The following KLHL32 variants were observed in gnomAD, a reference collection of about 807,000 sequenced individuals.
KLHL32 encodes kelch-like protein 32.
A neutral mutation model predicts 64.8 loss-of-function variants in KLHL32; 35 were observed. The ratio of observed to expected loss-of-function variants is 0.54; its 90% CI spans 0.41 to 0.72. The LOEUF (loss-of-function observed/expected upper bound fraction) is 0.72. Among genes scored for constraint, KLHL32 ranks in the 30% least tolerant of loss-of-function variants. The pLI is 0.00. For synonymous variants in KLHL32, 259 were observed against 281.0 expected, an observed-to-expected ratio of 0.92 and a Z score of 0.78; for missense variants, 589 against 768.5, an observed-to-expected ratio of 0.77 and a Z score of 2.76.
intron 5 of KLHL32, among the ~76,000 whole-genome samples, chr6:97,080,780 A>G (rs1792378371): frequency 6.6e-6 from 1 of 152,210 alleles, no homozygotes; most frequent in African/African-American, 2.4e-5. Context: ...AGCACATTAT[A>G]AACAAGTAGG....
chr6:96,937,134 G>A (rs1047564589), intron 1 of KLHL32, among the ~76,000 whole-genome samples: 1 of 152,002 alleles, frequency 6.6e-6, no homozygotes, highest in Non-Finnish European at 1.5e-5. Context: ...TCAGTAGTTT[G>A]TAGCAAATGT....
intron 5 of KLHL32, among the ~76,000 whole-genome samples, chr6:97,070,471 A>G (rs1790535998): frequency 1.3e-5 from 2 of 152,138 alleles, no homozygotes; most frequent in South Asian, 2.1e-4. Context: ...TTCATATGCT[A>G]TTATGTTGGC....
intron 6 of KLHL32, among the ~76,000 whole-genome samples, chr6:97,110,312 G>A (rs910131094): frequency 1.3e-5 from 2 of 152,104 alleles, no homozygotes; most frequent in Admixed American, 6.5e-5. Context: ...GACCTCTACC[G>A]TGTCTGCCTC....
chr6:96,932,346 A>T (rs1327684342), intron 1 of KLHL32, among the ~76,000 whole-genome samples: 1 of 150,966 alleles, frequency 6.6e-6, no homozygotes, highest in Non-Finnish European at 1.5e-5. Flanking sequence ...AAAGCTATTT[A>T]TCATTTCTTG....
chr6:96,983,570 G>A (rs1027640698), intron 3 of KLHL32, among the ~76,000 whole-genome samples: 4 of 152,300 alleles, frequency 2.6e-5, no homozygotes, highest in Admixed American at 2.6e-4. Context: ...CTGTTAATTG[G>A]TCTATTCAGA....
chr6:96,937,038 A>G (rs1209451926), intron 1 of KLHL32, among the ~76,000 whole-genome samples: 1 of 151,362 alleles, frequency 6.6e-6, no homozygotes, highest in Non-Finnish European at 1.5e-5. Context: ...TTTTTTCCCC[A>G]CAGCTCTTAT....
intron 3 of KLHL32, among the ~76,000 whole-genome samples, chr6:97,016,318 G>A (rs897177850): frequency 3.9e-5 from 6 of 152,232 alleles, no homozygotes; most frequent in Admixed American, 2.0e-4. Flanking sequence ...CGAAGCCACA[G>A]GGGTGGCTGC....
chr6:96,990,513 A>G (rs1777723166), intron 3 of KLHL32, among the ~76,000 whole-genome samples: 2 of 152,138 alleles, frequency 1.3e-5, no homozygotes, highest in Admixed American at 1.3e-4. Flanking sequence ...TTCTTCTCCC[A>G]GTCAATTTCT....
chr6:96,986,436 C>T (rs147600803), intron 3 of KLHL32, among the ~76,000 whole-genome samples: 3,014 of 152,350 alleles, frequency 0.02, 110 homozygotes, highest in African/African-American at 0.07. Flanking sequence ...AAGGATTCTG[C>T]TGCCTTTTGT....
At position 97,104,673 on chromosome 6, in the gene KLHL32, T is replaced by C. The variant is rs140143733; in HGVS notation, c.628-9110T>C. Among the ~76,000 whole-genome samples, 1,018 of 152,326 alleles carry C rather than the reference T, an allele frequency of 6.7e-3. 12 individuals are homozygous for C. The highest frequency in any genetic ancestry group is 0.023 in the African/African-American group (965 of 41,562). On this transcript the variant is annotated intron_variant, in intron 6 of 10. Transcript: ENST00000369261. ...GTCTGTAGTCAGCTATAATGGTTAA[T>C]GTGCAATCTCCCTTGAAAGATCTGT...
chr6:96,999,841 A>G (rs1778821077), intron 3 of KLHL32, among the ~76,000 whole-genome samples: 1 of 152,212 alleles, frequency 6.6e-6, no homozygotes. Flanking sequence ...TCTCAATTTC[A>G]TAGACATTTA....
chr6:97,081,852 G>A (rs566292180), intron 5 of KLHL32, among the ~76,000 whole-genome samples: 23 of 152,258 alleles, frequency 1.5e-4, no homozygotes, highest in African/African-American at 5.1e-4. Flanking sequence ...GCCAATTCCT[G>A]CTGTAGTCCT....
At chr6:97,093,667 G>A (rs989645442) in intron 6 of KLHL32, among the ~76,000 whole-genome samples, 1 of 150,954 alleles carries the variant, frequency 6.6e-6, no homozygotes, top group African/African-American at 2.5e-5. Context: ...AGTCGTACAG[G>A]AAAGTGTTGC....
intron 1 of KLHL32, among the ~76,000 whole-genome samples, chr6:96,938,224 C>G (rs1304080185): frequency 1.3e-5 from 2 of 152,190 alleles, no homozygotes; most frequent in African/African-American, 4.8e-5. Flanking sequence ...AAGGGTGTCT[C>G]TGGCCACCAG....
At chr6:97,075,048 T>A (rs1380240322) in intron 5 of KLHL32, among the ~76,000 whole-genome samples, 1 of 152,090 alleles carries the variant, frequency 6.6e-6, no homozygotes, top group Non-Finnish European at 1.5e-5. Context: ...TCCAGCTTAC[T>A]AGAGAATTTC....
At chr6:97,102,807 A>T (rs1353306511) in intron 6 of KLHL32, among the ~76,000 whole-genome samples, 1 of 151,906 alleles carries the variant, frequency 6.6e-6, no homozygotes, top group Non-Finnish European at 1.5e-5. Flanking sequence ...AGTTTTGTAT[A>T]TACTAGATAT....
At chr6:97,126,989 A>C (rs2128219664) in intron 7 of KLHL32, among the ~76,000 whole-genome samples, 1 of 152,314 alleles carries the variant, frequency 6.6e-6, no homozygotes, top group East Asian at 1.9e-4. Flanking sequence ...ACTGTGTTAG[A>C]GTACGGATGT....
At chr6:97,038,109 G>A (rs1228957309) in intron 3 of KLHL32, among the ~76,000 whole-genome samples, 1 of 152,006 alleles carries the variant, frequency 6.6e-6, no homozygotes, top group Non-Finnish European at 1.5e-5. Context: ...CATTGGACTG[G>A]GCAAAGGCTT....
At chr6:96,905,436 A>T in the KLHL32 span, among the ~76,000 whole-genome samples, 1 of 152,130 alleles carries the variant, frequency 6.6e-6, no homozygotes, top group South Asian at 2.1e-4. Context: ...ACTGTCTCTG[A>T]TTCTTTTCTT....
Sources: gnomAD v4.1 joint callset for allele counts (sites outside exome capture counted in the v4.1 genomes callset) on GRCh38, gnomAD v4.1.1 for gene constraint, MANE v1.5 for transcripts, NCBI Gene and HGNC (gene_info 2026-07-23, HGNC 2026-07-21) for gene names.